Variants in FAM111B observed in about 807,000 individuals in gnomAD.
The protein encoded by FAM111B is serine protease FAM111B.
A neutral mutation model predicts 2.8 loss-of-function variants in FAM111B; 1 was observed. That is an observed-to-expected ratio of 0.36 (90% CI 0.13 to 1.70). The LOEUF (loss-of-function observed/expected upper bound fraction) is 1.70. FAM111B is among the 40% of genes most tolerant of loss of function. The pLI is 0.35. For missense variants in FAM111B, 882 were observed against 878.9 expected, an observed-to-expected ratio of 1.00 and a Z score of -0.04; for synonymous variants, 297 against 295.6, an observed-to-expected ratio of 1.00 and a Z score of -0.05.
rs549405675 is a variant in FAM111B, at chr11:59,126,079, T to C, written c.1982T>C (p.Leu661Ser). 1.2e-6 allele frequency: 2 copies of C among 1,613,908 alleles called. No homozygotes were observed. Among genetic ancestry groups the C allele is most frequent in the East Asian group, 2.2e-5 (1 of 44,886 alleles). Residue 661 changes from leucine to serine, a missense_variant, in exon 4 of 4, where the codon TTG (leucine) becomes TCG (serine). Leu to Ser is a moderately radical substitution (Grantham distance 145). Coordinates refer to ENST00000343597, the MANE Select transcript of FAM111B (RefSeq NM_198947.4). ...GSPVFNASGK[L>S]VALHTFGLFY... is the part of the protein sequence containing the mutation. The stretch of plus-strand genomic sequence containing the variant: ...CCAGTGTTTAATGCATCTGGCAAAT[T>C]GGTTGCTTTGCATACCTTTGGGCTT...
At position 59,125,779 on chromosome 11, in the gene FAM111B, T is replaced by G. The variant is rs754567826; in HGVS notation, c.1682T>G (p.Leu561Arg). 1.8e-5 allele frequency: 29 copies of G among 1,613,804 alleles called. No individual in the cohort carries two copies. The highest frequency in any genetic ancestry group is 3.3e-5 in the Admixed American group (2 of 59,982). Residue 561 changes from leucine (L) to arginine (R), a missense_variant, in exon 4 of 4, where the codon CTA (leucine) becomes CGA (arginine). Leu to Arg is a moderately radical substitution (Grantham distance 102). Transcript: ENST00000343597. ...KENGNAFPPG[L>R]WRQISPQPST... The stretch of plus-strand genomic sequence containing the variant: ...AATGGAAATGCGTTTCCTCCAGGAC[T>G]ATGGCGACAGATTTCTCCTCAACCA...
chr11:59,124,470 T>C lies in FAM111B; in HGVS notation c.373T>C (p.Phe125Leu). The C allele has an allele frequency of 6.2e-7, 1 of 1,613,562 alleles. No individual in the cohort carries two copies. Among genetic ancestry groups the C allele is most frequent in the Non-Finnish European group, 8.5e-7 (1 of 1,179,782 alleles). Residue 125 changes from phenylalanine to leucine, a missense_variant, in exon 4 of 4, where the codon TTT becomes CTT. Physicochemically the swap from Phe to Leu is conservative, Grantham distance 22. Coordinates refer to ENST00000343597, the MANE Select transcript of FAM111B (RefSeq NM_198947.4). ...TTTCAGTGAAAGGATAAAGAATCAGTTTAATAAGAACATTATTGTTTATGA... is the reference window on the plus strand; with the variant it reads ...TTTCAGTGAAAGGATAAAGAATCAGCTTAATAAGAACATTATTGTTTATGA... Reference protein sequence around the residue: ...DYFSERIKNQFNKNIIVYEEK... With the variant: ...DYFSERIKNQLNKNIIVYEEK...
At chr11:59,120,673 C>T (rs1220162384) in intron 3 of FAM111B, among the ~76,000 whole-genome samples, 2 of 152,166 alleles carry the variant, frequency 1.3e-5, no homozygotes, top group African/African-American at 4.8e-5. Context: ...CTGTTTACCT[C>T]ATCTTCCCTC....
intron 3 of FAM111B, among the ~76,000 whole-genome samples, chr11:59,122,301 C>A (rs1466007821): frequency 1.3e-5 from 2 of 152,008 alleles, no homozygotes; most frequent in Non-Finnish European, 2.9e-5. Context: ...AAGTGTAAGA[C>A]AATGATAATT....
At position 59,120,787 on chromosome 11, in the gene FAM111B, T is replaced by A. The variant is rs76844417; in HGVS notation, c.82-3392T>A. Among the ~76,000 whole-genome samples the A allele has an allele frequency of 9.5e-3, 1,439 of 152,258 alleles. 24 individuals are homozygous for A. Among genetic ancestry groups the A allele is most frequent in the African/African-American group, 0.033 (1,371 of 41,538 alleles). On this transcript the variant is annotated intron_variant, in intron 3 of 3. Transcript: ENST00000343597. ...GTGACCTCATTTTTAACTAAGTATATCAACAAGAACTGCATATCCAAATAA... is the reference window on the plus strand; with the variant it reads ...GTGACCTCATTTTTAACTAAGTATAACAACAAGAACTGCATATCCAAATAA...
chr11:59,113,971 G>A (rs1476728682), intron 3 of FAM111B, among the ~76,000 whole-genome samples: 2 of 152,226 alleles, frequency 1.3e-5, no homozygotes, highest in African/African-American at 4.8e-5. Flanking sequence ...CCCAGCTCTT[G>A]TGAACCTTAC....
chr11:59,115,713 C>A (rs1030282755), intron 3 of FAM111B, among the ~76,000 whole-genome samples: 1 of 152,168 alleles, frequency 6.6e-6, no homozygotes, highest in Non-Finnish European at 1.5e-5. Flanking sequence ...TTAGTACTTA[C>A]ATCACATGAT....
chr11:59,126,603 C>T lies in FAM111B; in HGVS notation c.*301C>T, dbSNP rs761676526. 27 of 232,786 alleles carry T rather than the reference C, an allele frequency of 1.2e-4. No homozygotes were observed. Among genetic ancestry groups the T allele is most frequent in the Admixed American group, 9.5e-4 (17 of 17,860 alleles). The allele number at this position is 232,786 out of a possible 1,614,324, so 14.4% of individuals were successfully genotyped here. A position where few individuals can be genotyped will look rare whatever the true frequency, so the allele number is the denominator to read the frequency against. On this transcript the variant is annotated 3_prime_UTR_variant, in exon 4 of 4. Transcript: ENST00000343597. The stretch of plus-strand genomic sequence containing the variant: ...AAAGTGGGCAAAGGACATGAACAAA[C>T]ACTTTTCAAAAGAAGATATACACAT...
chr11:59,125,513 A>G lies in FAM111B; in HGVS notation c.1416A>G (p.Thr472=). Reference sequence around the variant, plus strand: ...TGCAATGGGACAATAATGGAAACACAGGTAATGCTACTTGCTTTGTCTTCA... The same window carrying G: ...TGCAATGGGACAATAATGGAAACACGGGTAATGCTACTTGCTTTGTCTTCA... ...GFMQWDNNGN[T]GNATCFVFNG... The change falls in exon 4 of 4, where the codon ACA becomes ACG. Residue 472 remains threonine, a synonymous_variant. Coordinates refer to ENST00000343597, the MANE Select transcript of FAM111B (RefSeq NM_198947.4). 11 of 1,614,010 alleles carry G rather than the reference A, an allele frequency of 6.8e-6. No individual in the cohort carries two copies. The highest frequency in any genetic ancestry group is 1.7e-5 in the Admixed American group (1 of 60,016).
At chr11:59,120,975 C>A (rs945051808) in intron 3 of FAM111B, among the ~76,000 whole-genome samples, 1 of 136,302 alleles carries the variant, frequency 7.3e-6, no homozygotes, top group South Asian at 2.3e-4. Context: ...TATCCACATG[C>A]AAAAAATAAA....
chr11:59,114,273 A>G (rs546687129), intron 3 of FAM111B, among the ~76,000 whole-genome samples: 22 of 152,216 alleles, frequency 1.4e-4, no homozygotes, highest in Non-Finnish European at 1.5e-5. Context: ...GGTGGGGCAG[A>G]GGGAGGGGTG....
intron 3 of FAM111B, among the ~76,000 whole-genome samples, chr11:59,115,407 T>C (rs1859823899): frequency 1.3e-5 from 2 of 152,218 alleles, no homozygotes. Context: ...TTGCCACTGT[T>C]GTGGCATCCA....
intron 3 of FAM111B, among the ~76,000 whole-genome samples, chr11:59,114,724 G>A (rs952872306): frequency 6.6e-6 from 1 of 152,178 alleles, no homozygotes. Flanking sequence ...CAGGTACCAA[G>A]GATATACCAG....
Position 59,124,219 on chromosome 11 carries a change from A to G in FAM111B, c.122A>G (p.Asp41Gly). 1 of 1,613,664 alleles carries G rather than the reference A, an allele frequency of 6.2e-7. No individual in the cohort carries two copies. The highest frequency in any genetic ancestry group is 1.7e-5 in the Admixed American group (1 of 60,008). Reference protein sequence around the residue: ...MKQTHADTPVDHCLSGIRKCS... With the variant: ...MKQTHADTPVGHCLSGIRKCS... ...CAGACACATGCTGACACACCTGTTG[A>G]TCATTGTCTATCTGGCATAAGAAAG... Residue 41 changes from aspartate (D) to glycine (G), a missense_variant, in exon 4 of 4, where the codon GAT becomes GGT. By Grantham distance (94) the Asp-to-Gly change is moderately conservative. Transcript: ENST00000343597.
chr11:59,124,075 T>C, intron 3 of FAM111B, 104 bp from the exon 4 acceptor site: 1 of 686,278 alleles, frequency 1.5e-6, no homozygotes. Context: ...AACCATTATA[T>C]TATCTAATTT....
chr11:59,114,400 G>T (rs1859808443), intron 3 of FAM111B, among the ~76,000 whole-genome samples: 1 of 152,206 alleles, frequency 6.6e-6, no homozygotes, highest in African/African-American at 2.4e-5. Flanking sequence ...AGGCTAAAGA[G>T]GAGGGGGCCT....
intron 3 of FAM111B, among the ~76,000 whole-genome samples, chr11:59,114,854 A>G: frequency 6.6e-6 from 1 of 152,038 alleles, no homozygotes; most frequent in East Asian, 1.9e-4. Context: ...ATATGGGCAG[A>G]AGGGAAAAGA....
Position 59,125,877 on chromosome 11 carries a change from C to A in FAM111B, c.1780C>A (p.Pro594Thr). 1 of 1,613,870 alleles carries A rather than the reference C, an allele frequency of 6.2e-7. No homozygotes were observed. The highest frequency in any genetic ancestry group is 8.5e-7 in the Non-Finnish European group (1 of 1,179,822). ...IKKIDGCTVI[P>T]LNERLKKYPN... ...GAAAATAGATGGTTGTACTGTGATT[C>A]CTCTAAACGAACGATTGAAAAAATA... Residue 594 changes from proline to threonine, a missense_variant, in exon 4 of 4, where the codon CCT (proline) becomes ACT (threonine). Physicochemically the swap from Pro to Thr is conservative, Grantham distance 38. Coordinates refer to ENST00000343597, the MANE Select transcript of FAM111B (RefSeq NM_198947.4).
At chr11:59,120,727 AAGGGTATTGGATTAG>A (rs1859907977) in intron 3 of FAM111B, among the ~76,000 whole-genome samples, 1 of 152,164 alleles carries the variant, frequency 6.6e-6, no homozygotes, top group Admixed American at 6.5e-5. Flanking sequence ...TAAGGATATC[AAGGGTATTGGATTAG>A]AGGCCCATCC....
Sources: allele counts gnomAD v4.1 joint callset (sites outside exome capture counted in the v4.1 genomes callset), GRCh38; gene constraint gnomAD v4.1.1; transcripts MANE v1.5; gene names NCBI Gene and HGNC (gene_info 2026-07-23, HGNC 2026-07-21).